The following ROCK1 variants were observed in gnomAD, a reference collection of about 807,000 sequenced individuals.
ROCK1 encodes Rho associated coiled-coil containing protein kinase 1.
A neutral mutation model predicts 196.8 loss-of-function variants in ROCK1; 36 were observed. That is an observed-to-expected ratio of 0.18 (90% CI 0.14 to 0.24). The LOEUF (loss-of-function observed/expected upper bound fraction) is 0.24, where lower values mean the gene tolerates loss of function less well. ROCK1 is among the 10% of genes least tolerant of loss of function. ROCK1 has a pLI of 1.00. For missense variants in ROCK1, 920 were observed against 1,562.0 expected (o/e 0.59, Z 6.93); for synonymous variants, 443 against 515.9 (o/e 0.86, Z 1.91).
Position 20,951,391 on chromosome 18 carries a change from T to C in ROCK1, c.4062-4A>G, listed in dbSNP as rs2035186177. On this transcript the variant is annotated splice_polypyrimidine_tract_variant and splice_region_variant and intron_variant, in intron 32 of 32. Transcript: ENST00000399799. The stretch of plus-strand genomic sequence containing the variant: ...GGGCACTCAGTCACATGGTTAACTG[T>C]TGAGGGAGGGGGAAAAAACTAATTT... 1 of 1,592,964 alleles carries C rather than the reference T, an allele frequency of 6.3e-7. No homozygotes were observed. The highest frequency in any genetic ancestry group is 1.1e-5 in the South Asian group (1 of 87,288).
intron 16 of ROCK1, among the ~76,000 whole-genome samples, chr18:20,998,419 TTAG>T (rs1465542546): frequency 2.0e-5 from 3 of 151,722 alleles, no homozygotes; most frequent in Admixed American, 6.6e-5. Context: ...AAACCCAAAA[TTAG>T]TAGAAGAAAA....
intron 27 of ROCK1, among the ~76,000 whole-genome samples, chr18:20,966,125 T>C (rs2035372148): frequency 6.6e-6 from 1 of 152,184 alleles, no homozygotes; most frequent in Non-Finnish European, 1.5e-5. Flanking sequence ...ATACAAAACT[T>C]CCAAGACTCT....
At position 20,982,829 on chromosome 18, in the gene ROCK1, C is replaced by G. The variant is rs1205351781; in HGVS notation, c.2493G>C (p.Gln831His). 21 of 1,511,250 alleles carry G rather than the reference C, an allele frequency of 1.4e-5. No homozygotes were observed. The highest frequency in any genetic ancestry group is 1.9e-5 in the Non-Finnish European group (21 of 1,090,800). 93.6% of individuals were successfully genotyped at this position (1,511,250 alleles called of 1,614,324 possible). A position where few individuals can be genotyped will look rare whatever the true frequency, so the allele number is the denominator to read the frequency against. The change falls in exon 21 of 33, where the codon CAG becomes CAC. Residue 831 changes from glutamine (Q) to histidine (H), a missense_variant. By Grantham distance (24) the Gln-to-His change is conservative. Transcript: ENST00000399799. ...GCATCTGTCCTTCATTTCCTCTATA[C>G]TGTCTTCAGATGAAAAGAAAAACAA... is the stretch of plus-strand genomic sequence containing the variant. ...LEFELAQLTK[Q>H]YRGNEGQMRE... is the part of the protein sequence containing the mutation.
At chr18:21,068,937 A>G (rs888066904) in intron 2 of ROCK1, among the ~76,000 whole-genome samples, 2 of 152,094 alleles carry the variant, frequency 1.3e-5, no homozygotes, top group African/African-American at 4.8e-5. Flanking sequence ...CTTCCTTTTC[A>G]ATCTGTACGG....
At chr18:21,061,553 C>G (rs1041307132) in intron 2 of ROCK1, among the ~76,000 whole-genome samples, 1 of 152,138 alleles carries the variant, frequency 6.6e-6, no homozygotes, top group South Asian at 2.1e-4. Flanking sequence ...GTGTTGCAGA[C>G]AAGACTATGT....
At chr18:21,084,166 T>C (rs1598557110) in intron 1 of ROCK1, among the ~76,000 whole-genome samples, 1 of 151,404 alleles carries the variant, frequency 6.6e-6, no homozygotes, top group Admixed American at 6.6e-5. Flanking sequence ...GCTAGAACTA[T>C]AAAATGCTTA....
In ROCK1 at chr18:21,111,609, GA is replaced by G; in HGVS notation, c.-700del. 1 of 156,078 alleles carries G rather than the reference GA, an allele frequency of 6.4e-6. No homozygotes were observed. The highest frequency in any genetic ancestry group is 1.4e-5 in the Non-Finnish European group (1 of 70,490). 9.7% of individuals were successfully genotyped at this position (156,078 alleles called of 1,614,324 possible). A position where few individuals can be genotyped will look rare whatever the true frequency, so the allele number is the denominator to read the frequency against. Reference sequence around the variant, plus strand: ...GATGCCCGATGGAGACTTAGCAGAGGAAAGGCTGGAGAGCGGGCGAAGAGGA... The same window carrying G: ...GATGCCCGATGGAGACTTAGCAGAGGAAGGCTGGAGAGCGGGCGAAGAGGA... On this transcript the variant is annotated 5_prime_UTR_variant, in exon 1 of 33. Transcript: ENST00000399799. The surrounding 1 kb of genome is among the most constrained non-coding windows in gnomAD (Gnocchi z 4.2).
Position 20,949,729 on chromosome 18 carries a change from C to T in ROCK1, c.*1655G>A, listed in dbSNP as rs1275015588. 1 of 152,468 alleles carries T rather than the reference C, an allele frequency of 6.6e-6. No individual in the cohort carries two copies. The highest frequency in any genetic ancestry group is 2.4e-5 in the African/African-American group (1 of 41,432). 9.4% of individuals were successfully genotyped at this position (152,468 alleles called of 1,614,324 possible). Reference sequence around the variant, plus strand: ...ACTATTCCCACTCTTGTTTTAGAGCCCAAGACCACGTTTTATCTTTTAAAA... The same window carrying T: ...ACTATTCCCACTCTTGTTTTAGAGCTCAAGACCACGTTTTATCTTTTAAAA... On this transcript the variant is annotated 3_prime_UTR_variant, in exon 33 of 33. Coordinates refer to ENST00000399799, the MANE Select transcript of ROCK1 (RefSeq NM_005406.3).
intron 21 of ROCK1, 35 bp from the exon 22 acceptor site, chr18:20,980,039 A>G: frequency 1.3e-6 from 2 of 1,486,926 alleles, no homozygotes; most frequent in Non-Finnish European, 1.8e-6. Context: ...ATAAGTGTTT[A>G]TGGTGGGTTA....
At chr18:21,106,113 T>C (rs748720338) in intron 1 of ROCK1, among the ~76,000 whole-genome samples, 9 of 152,208 alleles carry the variant, frequency 5.9e-5, no homozygotes, top group Non-Finnish European at 8.8e-5. Flanking sequence ...ATTTGACTAA[T>C]ACTGGTTCCC....
chr18:21,051,921 C>G (rs1218571413), intron 2 of ROCK1, among the ~76,000 whole-genome samples: 1 of 152,128 alleles, frequency 6.6e-6, no homozygotes, highest in Non-Finnish European at 1.5e-5. Flanking sequence ...AGGAAAACTA[C>G]TCTAGGAAAT....
At chr18:21,092,071 C>A (rs181563225) in intron 1 of ROCK1, among the ~76,000 whole-genome samples, 7 of 152,200 alleles carry the variant, frequency 4.6e-5, no homozygotes, top group Admixed American at 6.5e-5. Flanking sequence ...GCACCTCTAA[C>A]CACCATGCTG....
At chr18:20,984,576 A>T in intron 19 of ROCK1, 41 bp from the exon 20 acceptor site, 1 of 1,457,146 alleles carries the variant, frequency 6.9e-7, no homozygotes, top group South Asian at 1.3e-5. Flanking sequence ...AATCTCTTAA[A>T]TAATTTATTA....
intron 4 of ROCK1, 77 bp from the exon 5 acceptor site, chr18:21,045,544 ATGT>A: frequency 8.8e-7 from 1 of 1,136,820 alleles, no homozygotes; most frequent in South Asian, 1.8e-5. Flanking sequence ...AGTGGCAAAA[ATGT>A]TAATAAAAGA....
At position 21,073,521 on chromosome 18, in the gene ROCK1, G is replaced by T. The variant is rs549872356; in HGVS notation, c.94-2908C>A. 1.9e-4 allele frequency among the ~76,000 whole-genome samples: 29 copies of T among 152,180 alleles called. No individual in the cohort carries two copies. The South Asian group carries it at 5.6e-3, about 29-fold the overall frequency. ...TGAGTCAGGTGTAAAACATCATTTAGGATTAAATCCATTAAAAGTAACACA... is the reference window on the plus strand; with the variant it reads ...TGAGTCAGGTGTAAAACATCATTTATGATTAAATCCATTAAAAGTAACACA... On this transcript the variant is annotated intron_variant, in intron 1 of 32. Transcript: ENST00000399799.
intron 14 of ROCK1, among the ~76,000 whole-genome samples, chr18:21,007,839 C>T (rs2035781535): frequency 6.6e-6 from 1 of 152,076 alleles, no homozygotes; most frequent in Non-Finnish European, 1.5e-5. Flanking sequence ...ACAATCACTA[C>T]TCTAGTTAAA....
At chr18:20,960,075 T>C in intron 28 of ROCK1, 61 bp downstream of exon 28, 3 of 1,233,816 alleles carry the variant, frequency 2.4e-6, no homozygotes, top group Non-Finnish European at 3.6e-6. Flanking sequence ...ATATAAGTTC[T>C]ATGCTCCAAA....
chr18:21,081,863 G>A (rs1007220008), intron 1 of ROCK1, among the ~76,000 whole-genome samples: 2 of 152,168 alleles, frequency 1.3e-5, no homozygotes, highest in African/African-American at 2.4e-5. Context: ...AGACAGAAAT[G>A]GTAATAATAA....
rs563220463 is a variant in ROCK1, at chr18:21,070,635, G to T, written c.94-22C>A. ...CATCCTAAAGAAACAAACAAACAAT[G>T]GTTAGTTTTTTGGATCACATTATAC... On this transcript the variant is annotated intron_variant, in intron 1 of 32. Coordinates refer to ENST00000399799, the MANE Select transcript of ROCK1 (RefSeq NM_005406.3). 3.9e-6 allele frequency: 6 copies of T among 1,537,642 alleles called. No individual in the cohort carries two copies. In the South Asian group the frequency reaches 7.1e-5, roughly 18 times the overall value.
Sources: allele counts gnomAD v4.1 joint callset (sites outside exome capture counted in the v4.1 genomes callset), GRCh38; gene constraint gnomAD v4.1.1; non-coding constraint Gnocchi (gnomAD v3.1); transcripts MANE v1.5; gene names NCBI Gene and HGNC (gene_info 2026-07-23, HGNC 2026-07-21).